Variants in CD6 observed in about 807,000 individuals in gnomAD.
CD6 encodes CD6 molecule, also known as T-cell differentiation antigen CD6.
A neutral mutation model predicts 75.3 loss-of-function variants in CD6; 53 were observed. The ratio of observed to expected loss-of-function variants is 0.70; its 90% CI spans 0.56 to 0.88. The LOEUF is 0.88. Among genes scored for constraint, CD6 ranks in the 40% least tolerant of loss-of-function variants. The pLI is 0.00. For missense variants in CD6, 770 were observed against 897.1 expected (o/e 0.86, Z 1.81); for synonymous variants, 359 against 381.5 (o/e 0.94, Z 0.69).
Position 60,991,662 on chromosome 11 carries a change from G to T in CD6, c.50-14912G>T, listed in dbSNP as rs1306621819. ...TTTATGGTAATCTTTCCTTAGCCCTGTGAGGTTTTTGTTTCGTTTTCATTT... is the reference window on the plus strand; with the variant it reads ...TTTATGGTAATCTTTCCTTAGCCCTTTGAGGTTTTTGTTTCGTTTTCATTT... On this transcript the variant is annotated intron_variant, in intron 1 of 12. Coordinates refer to ENST00000313421, the MANE Select transcript of CD6 (RefSeq NM_006725.5). Among the ~76,000 whole-genome samples the T allele has an allele frequency of 4.0e-5, 6 of 151,670 alleles. 2 individuals are homozygous for T. The highest frequency in any genetic ancestry group is 3.9e-4 in the East Asian group (2 of 5,150).
chr11:60,971,900 C>T lies in CD6; in HGVS notation c.35C>T (p.Thr12Met), dbSNP rs199949916. 521 of 1,613,890 alleles carry T rather than the reference C, an allele frequency of 3.2e-4. No individual in the cohort carries two copies. Among genetic ancestry groups the T allele is most frequent in the Non-Finnish European group, 4.2e-4 (496 of 1,179,990 alleles). ...WLFFGITGLL[T>M]AALSGHPSPA... is the part of the protein sequence containing the mutation. ...TTCTTCGGGATCACTGGATTGCTGA[C>T]GGCAGCCCTCTCAGGTAGGCCCCCT... The change falls in exon 1 of 13, where the codon ACG becomes ATG. Residue 12 changes from threonine to methionine, a missense_variant. Thr to Met is a moderately conservative substitution (Grantham distance 81). Transcript: ENST00000313421.
chr11:60,999,637 T>C (rs1858482409), intron 1 of CD6, among the ~76,000 whole-genome samples: 1 of 152,150 alleles, frequency 6.6e-6, no homozygotes, highest in Non-Finnish European at 1.5e-5. Context: ...GGCAAATATT[T>C]TTAATGTGCT....
At chr11:61,003,767 C>T (rs1211939617) in intron 1 of CD6, among the ~76,000 whole-genome samples, 3 of 152,176 alleles carry the variant, frequency 2.0e-5, no homozygotes, top group African/African-American at 4.8e-5. Context: ...GTCTGAGAAA[C>T]GCTGATCTTC....
intron 9 of CD6, among the ~76,000 whole-genome samples, chr11:61,016,197 T>C (rs1042915236): frequency 6.6e-6 from 1 of 152,166 alleles, no homozygotes; most frequent in Non-Finnish European, 1.5e-5. Context: ...TCGCATGCCA[T>C]ATCCCTCCGT....
intron 1 of CD6, among the ~76,000 whole-genome samples, chr11:60,986,788 G>A (rs1363545380): frequency 6.6e-6 from 1 of 152,158 alleles, no homozygotes; most frequent in Non-Finnish European, 1.5e-5. Flanking sequence ...CTGTGGTTTA[G>A]TTTACTAGAG....
chr11:61,014,125 G>T, intron 8 of CD6, 111 bp downstream of exon 8: 1 of 754,558 alleles, frequency 1.3e-6, no homozygotes. Flanking sequence ...CTGGAGATGA[G>T]ATCTGGGCCA....
intron 1 of CD6, among the ~76,000 whole-genome samples, chr11:60,990,806 A>AC (rs1858030631): frequency 1.0e-5 from 1 of 100,140 alleles, no homozygotes; most frequent in Admixed American, 1.3e-4. Context: ...ACCCTACTGG[A>AC]CATATTGTTC....
chr11:60,978,887 C>T (rs1482223999), intron 1 of CD6, among the ~76,000 whole-genome samples: 2 of 152,130 alleles, frequency 1.3e-5, no homozygotes, highest in African/African-American at 2.4e-5. Context: ...TGAAAATAGC[C>T]GAACAAAATG....
chr11:60,982,478 T>C (rs1857607831), intron 1 of CD6: 1 of 426,774 alleles, frequency 2.3e-6, no homozygotes, highest in African/African-American at 2.0e-5. Context: ...TGCTAGGGTG[T>C]TCACCTCTTT....
chr11:60,982,878 G>A (rs1020284105), intron 1 of CD6: 5 of 388,498 alleles, frequency 1.3e-5, no homozygotes, highest in Admixed American at 3.0e-5. Context: ...GCAGGGCATG[G>A]CGGGGCCTGT....
At chr11:61,008,365 TAC>T in intron 3 of CD6, 167 bp from the exon 4 acceptor site, 1 of 656,444 alleles carries the variant, frequency 1.5e-6, no homozygotes, top group Non-Finnish European at 2.5e-6. Flanking sequence ...CCTGCGGCTC[TAC>T]CTAACCCATC....
At chr11:60,989,965 C>A (rs935886291) in intron 1 of CD6, among the ~76,000 whole-genome samples, 11 of 152,044 alleles carry the variant, frequency 7.2e-5, no homozygotes, top group Admixed American at 1.3e-4. Context: ...ATGACTCGGA[C>A]AATTTACAAA....
Position 61,017,997 on chromosome 11 carries a change from C to A in CD6, c.1821C>A (p.Thr607=). 6.2e-7 allele frequency: 1 copy of A among 1,611,500 alleles called. No individual in the cohort carries two copies. Among genetic ancestry groups the A allele is most frequent in the Middle Eastern group, 2.0e-4 (1 of 5,028 alleles). The part of the protein sequence containing the change: ...EQPPNLELAG[T]QPAFSAGPPA... ...CCCCAAACTTGGAGCTGGCCGGCAC[C>A]CAGCCAGCCTTTTCAGGTAAGCTGT... is the stretch of plus-strand genomic sequence containing the variant. Residue 607 remains threonine (T), a synonymous_variant, in exon 11 of 13, where the codon ACC becomes ACA. Transcript: ENST00000313421.
chr11:60,977,322 C>G (rs549752657), intron 1 of CD6, among the ~76,000 whole-genome samples: 1 of 150,470 alleles, frequency 6.6e-6, no homozygotes, highest in African/African-American at 2.5e-5. Context: ...CTCCCAGGTG[C>G]GTGGCCATCC....
chr11:60,986,794 T>C (rs1321638898), intron 1 of CD6, among the ~76,000 whole-genome samples: 1 of 152,192 alleles, frequency 6.6e-6, no homozygotes, highest in African/African-American at 2.4e-5. Flanking sequence ...TTTAGTTTAC[T>C]AGAGTTGCTG....
At chr11:61,008,006 C>G in intron 3 of CD6, 96 bp downstream of exon 3, 1 of 775,378 alleles carries the variant, frequency 1.3e-6, no homozygotes, top group Admixed American at 4.2e-5. Context: ...AAGCCTCGCC[C>G]TCCAGACCTC....
intron 1 of CD6, among the ~76,000 whole-genome samples, chr11:60,998,620 C>T (rs1858415307): frequency 6.6e-6 from 1 of 152,140 alleles, no homozygotes; most frequent in Non-Finnish European, 1.5e-5. Context: ...TTCAATTCTT[C>T]CCTGGGAATG....
chr11:61,005,525 G>A (rs1240623633), intron 1 of CD6, among the ~76,000 whole-genome samples: 3 of 152,182 alleles, frequency 2.0e-5, no homozygotes, highest in African/African-American at 7.2e-5. Context: ...TAGTAGCTCT[G>A]GTGGAATAAA....
rs1222361201 is a variant in CD6 at position 61,008,553 on chromosome 11, G to T, written c.489G>T (p.Leu163=). The T allele has an allele frequency of 6.2e-7, 1 of 1,604,212 alleles. No individual in the cohort carries two copies. The highest frequency in any genetic ancestry group is 8.5e-7 in the Non-Finnish European group (1 of 1,175,718). ...CCCTAGAGAACCGCGCGCTGCGCCT[G>T]GTGGACGGTGGCGGCGCCTGCGCCG... The part of the protein sequence containing the change: ...VTCAENRALR[L]VDGGGACAGR... Residue 163 remains leucine, a synonymous_variant, in exon 4 of 13, where the codon CTG becomes CTT. Coordinates refer to ENST00000313421, the MANE Select transcript of CD6 (RefSeq NM_006725.5).
Sources: gnomAD v4.1 joint callset for allele counts (sites outside exome capture counted in the v4.1 genomes callset) on GRCh38, gnomAD v4.1.1 for gene constraint, MANE v1.5 for transcripts, NCBI Gene and HGNC (gene_info 2026-07-23, HGNC 2026-07-21) for gene names.